Variants in PDE8A observed in about 807,000 individuals in gnomAD.
PDE8A encodes the protein phosphodiesterase 8A, also known as high affinity cAMP-specific and IBMX-insensitive 3',5'-cyclic phosphodiesterase 8A.
In PDE8A, 59 loss-of-function variants were observed where a neutral mutation model predicts 105.0. The ratio of observed to expected loss-of-function variants is 0.56; its 90% CI spans 0.46 to 0.70. The LOEUF is 0.70. PDE8A is among the 30% of genes least tolerant of loss of function. The pLI is 0.00. For synonymous variants in PDE8A, 355 were observed against 371.9 expected (o/e 0.95, Z 0.52); for missense variants, 1,014 against 1,045.9 (o/e 0.97, Z 0.42).
chr15:85,066,532 C>G (rs112776525), intron 2 of PDE8A, among the ~76,000 whole-genome samples: 2 of 151,278 alleles, frequency 1.3e-5, no homozygotes, highest in African/African-American at 4.9e-5. Flanking sequence ...CCACTGTACA[C>G]CAGCCCATGC....
chr15:85,122,090 T>C (rs949522840), intron 18 of PDE8A, among the ~76,000 whole-genome samples: 6 of 152,198 alleles, frequency 3.9e-5, no homozygotes, highest in Non-Finnish European at 8.8e-5. Context: ...TCTGTTTACA[T>C]GTCACTTCCT....
chr15:85,130,970 T>C (rs1468037479), intron 20 of PDE8A, among the ~76,000 whole-genome samples: 1 of 152,148 alleles, frequency 6.6e-6, no homozygotes, highest in Non-Finnish European at 1.5e-5. Flanking sequence ...TTGGTCAGGC[T>C]GGTCTCTAAC....
intron 1 of PDE8A, 46 bp downstream of exon 1, chr15:84,982,394 G>C (rs1596403107): frequency 1.6e-6 from 2 of 1,243,802 alleles, no homozygotes; most frequent in African/African-American, 1.6e-5. Flanking sequence ...ACTCGGGCCC[G>C]GCCAGTAAGC....
At chr15:85,094,594 C>T (rs1388817062) in intron 8 of PDE8A, among the ~76,000 whole-genome samples, 3 of 152,228 alleles carry the variant, frequency 2.0e-5, no homozygotes, top group Non-Finnish European at 4.4e-5. Flanking sequence ...CCCAATCTCT[C>T]TTCCAAATCC....
In PDE8A at chr15:85,118,880, A is replaced by AAC. The variant is rs1374461571; in HGVS notation, c.1734+1043_1734+1044dup. Among the ~76,000 whole-genome samples the AAC allele has an allele frequency of 5.3e-5, 8 of 150,508 alleles. No individual in the cohort carries two copies. The East Asian group carries it at 1.5e-3, about 29-fold the overall frequency. ...TGACATCTGGCACACACAGGGAGTG[A>AAC]ACAAGTGTTCATTCCTCACCTTGAA... On this transcript the variant is annotated intron_variant, in intron 17 of 21. Transcript: ENST00000394553.
At chr15:84,995,178 A>G (rs1187869072) in intron 1 of PDE8A, among the ~76,000 whole-genome samples, 3 of 152,172 alleles carry the variant, frequency 2.0e-5, no homozygotes, top group Admixed American at 1.3e-4. Flanking sequence ...GTTATAGAAC[A>G]TTATTTTCAT....
chr15:85,091,853 G>A (rs926984948), intron 8 of PDE8A, among the ~76,000 whole-genome samples: 1 of 148,834 alleles, frequency 6.7e-6, no homozygotes, highest in Non-Finnish European at 1.5e-5. Context: ...ATGATGAGAA[G>A]GAAAAGGCTA....
In PDE8A at chr15:85,117,464, G is replaced by A. The variant is rs12899508; in HGVS notation, c.1536-177G>A. On this transcript the variant is annotated intron_variant, in intron 16 of 21. Transcript: ENST00000394553. ...ACCCGTGCATCATGGTCCCCTGAGG[G>A]CAAGAAGTGGAACCAGAGTTGGTTG... Among the ~76,000 whole-genome samples, 1,176 of 152,258 alleles carry A rather than the reference G, an allele frequency of 7.7e-3. 9 individuals are homozygous for A. Among genetic ancestry groups the A allele is most frequent in the Middle Eastern group, 0.027 (8 of 294 alleles).
At chr15:85,042,075 A>AG (rs1306031060) in intron 1 of PDE8A, among the ~76,000 whole-genome samples, 2 of 125,268 alleles carry the variant, frequency 1.6e-5, no homozygotes, top group African/African-American at 7.1e-5. Context: ...TAAAGAAACC[A>AG]ATTTTTTTTT....
chr15:85,016,540 C>T (rs1483044805), intron 1 of PDE8A, among the ~76,000 whole-genome samples: 1 of 152,210 alleles, frequency 6.6e-6, no homozygotes, highest in African/African-American at 2.4e-5. Flanking sequence ...GCCACTACCA[C>T]ACTGTTTTAA....
chr15:84,995,346 C>T (rs1472893577), intron 1 of PDE8A, among the ~76,000 whole-genome samples: 1 of 151,238 alleles, frequency 6.6e-6, no homozygotes, highest in Non-Finnish European at 1.5e-5. Context: ...GCAGGGTCTC[C>T]CTCTGTTGCC....
intron 1 of PDE8A, among the ~76,000 whole-genome samples, chr15:85,038,216 GGTGTGTGTGT>G (rs773765859): frequency 9.5e-4 from 46 of 48,324 alleles, no homozygotes; most frequent in Middle Eastern, 0.023. Context: ...CCAATTGGGG[GGTGTGTGTGT>G]GTGTGTGTGT....
chr15:85,025,219 C>T (rs1391334394), intron 1 of PDE8A, among the ~76,000 whole-genome samples: 1 of 152,118 alleles, frequency 6.6e-6, no homozygotes, highest in African/African-American at 2.4e-5. Context: ...TGAGGCTCCC[C>T]CAACCCTTAC....
In PDE8A at chr15:85,025,374, G is replaced by A. The variant is rs543313722; in HGVS notation, c.187-38996G>A. The stretch of plus-strand genomic sequence containing the variant: ...TTCCTCAGTGCCCCCATTCCCAGGC[G>A]TTTTTTCCTGGGAGTCCTGTCCTAT... On this transcript the variant is annotated intron_variant, in intron 1 of 21. Coordinates refer to ENST00000394553, the MANE Select transcript of PDE8A (RefSeq NM_002605.3). 1.2e-4 allele frequency among the ~76,000 whole-genome samples: 18 copies of A among 148,670 alleles called. No homozygotes were observed. The East Asian group carries it at 1.9e-3, about 16-fold the overall frequency.
chr15:85,017,646 G>A (rs1250855748), intron 1 of PDE8A, among the ~76,000 whole-genome samples: 1 of 152,122 alleles, frequency 6.6e-6, no homozygotes, highest in Non-Finnish European at 1.5e-5. Context: ...CAACACTTTG[G>A]GAGGCTGAGG....
chr15:85,047,834 G>A (rs2080911214), intron 1 of PDE8A, among the ~76,000 whole-genome samples: 1 of 152,106 alleles, frequency 6.6e-6, no homozygotes, highest in Non-Finnish European at 1.5e-5. Context: ...CCCTCAGCTT[G>A]TGACCAACAC....
intron 1 of PDE8A, among the ~76,000 whole-genome samples, chr15:85,005,443 A>G (rs2080131078): frequency 6.6e-6 from 1 of 152,162 alleles, no homozygotes; most frequent in African/African-American, 2.4e-5. Context: ...TAATATTTTG[A>G]GTTAAATATT....
intron 1 of PDE8A, among the ~76,000 whole-genome samples, chr15:85,061,777 C>T (rs925854418): frequency 1.3e-5 from 2 of 152,082 alleles, no homozygotes; most frequent in African/African-American, 4.8e-5. Context: ...AAGCTCTGTT[C>T]ACTATTTTTT....
intron 1 of PDE8A, among the ~76,000 whole-genome samples, chr15:84,997,749 TGCCA>T (rs2080003312): frequency 6.6e-6 from 1 of 152,088 alleles, no homozygotes; most frequent in Non-Finnish European, 1.5e-5. Flanking sequence ...CATGCCACCA[TGCCA>T]GGCTAATTTT....
Sources: gnomAD v4.1 joint callset for allele counts (sites outside exome capture counted in the v4.1 genomes callset) on GRCh38, gnomAD v4.1.1 for gene constraint, MANE v1.5 for transcripts, NCBI Gene and HGNC (gene_info 2026-07-23, HGNC 2026-07-21) for gene names.